The following PLXDC2 variants were observed in gnomAD, a reference collection of about 807,000 sequenced individuals.
PLXDC2 encodes plexin domain-containing protein 2.
PLXDC2 carries 40 observed loss-of-function variants against 68.9 expected under a neutral mutation model. The ratio of observed to expected loss-of-function variants is 0.58; its 90% CI spans 0.45 to 0.76. PLXDC2 has a LOEUF of 0.76. PLXDC2 is among the 30% of genes least tolerant of loss of function. The pLI is 0.00. For synonymous variants in PLXDC2, 243 were observed against 234.2 expected (o/e 1.04, Z -0.34); for missense variants, 644 against 661.9 (o/e 0.97, Z 0.30).
In PLXDC2 at chr10:20,190,780, C is replaced by T. The variant is rs564157838; in HGVS notation, c.1061+13371C>T. Among the ~76,000 whole-genome samples the T allele has an allele frequency of 9.9e-5, 15 of 151,830 alleles. No homozygotes were observed. The Middle Eastern group carries it at 0.01, about 103-fold the overall frequency. ...AATATAGAAAGACATTTAAAATACA[C>T]GTTCATACTCAAGCCAGCTCTTTTA... On this transcript the variant is annotated intron_variant, in intron 9 of 13. Coordinates refer to ENST00000377252, the MANE Select transcript of PLXDC2 (RefSeq NM_032812.9).
chr10:20,181,072 A>G (rs1316362538), intron 9 of PLXDC2, among the ~76,000 whole-genome samples: 1 of 152,076 alleles, frequency 6.6e-6, no homozygotes, highest in Non-Finnish European at 1.5e-5. Flanking sequence ...ATATATAGAA[A>G]GCAGAGTTAA....
chr10:20,024,849 A>G (rs561855771), intron 2 of PLXDC2, among the ~76,000 whole-genome samples: 3 of 152,230 alleles, frequency 2.0e-5, no homozygotes, highest in South Asian at 2.1e-4. Flanking sequence ...ACTAATTCTT[A>G]TAGGATAATG....
At chr10:20,213,801 G>C (rs1326801661) in intron 10 of PLXDC2, among the ~76,000 whole-genome samples, 1 of 152,076 alleles carries the variant, frequency 6.6e-6, no homozygotes, top group African/African-American at 2.4e-5. Context: ...GTGTTTTCCT[G>C]TTGGTTGGGT....
At chr10:20,235,438 A>G in intron 12 of PLXDC2, among the ~76,000 whole-genome samples, 1 of 152,252 alleles carries the variant, frequency 6.6e-6, no homozygotes, top group East Asian at 1.9e-4. Flanking sequence ...AGTGGCACTA[A>G]CAACATTAAT....
intron 4 of PLXDC2, among the ~76,000 whole-genome samples, chr10:20,136,869 C>T (rs1192842336): frequency 6.6e-6 from 1 of 152,198 alleles, no homozygotes; most frequent in Non-Finnish European, 1.5e-5. Context: ...GAATGTTTCA[C>T]AAGCAATTAT....
chr10:19,960,640 C>A (rs1834141591), intron 1 of PLXDC2, among the ~76,000 whole-genome samples: 1 of 152,182 alleles, frequency 6.6e-6, no homozygotes, highest in African/African-American at 2.4e-5. Context: ...TATGACCTTG[C>A]ACTCATACCA....
intron 6 of PLXDC2, among the ~76,000 whole-genome samples, chr10:20,150,894 A>G (rs1346163575): frequency 6.6e-6 from 1 of 152,106 alleles, no homozygotes; most frequent in Non-Finnish European, 1.5e-5. Flanking sequence ...AAAAAGTTCC[A>G]CTATGGTTTT....
chr10:19,858,600 T>C, intron 1 of PLXDC2, among the ~76,000 whole-genome samples: 1 of 152,206 alleles, frequency 6.6e-6, no homozygotes, highest in South Asian at 2.1e-4. Context: ...CTTCTTAACA[T>C]CTAAATGAAA....
At chr10:20,213,993 C>T (rs1041967074) in intron 10 of PLXDC2, among the ~76,000 whole-genome samples, 10 of 151,936 alleles carry the variant, frequency 6.6e-5, no homozygotes, top group East Asian at 1.9e-4. Context: ...ATGTATTTAC[C>T]GGTTTATTAA....
chr10:19,840,463 C>T (rs950465170), intron 1 of PLXDC2, among the ~76,000 whole-genome samples: 60 of 152,200 alleles, frequency 3.9e-4, no homozygotes, highest in African/African-American at 1.4e-3. Context: ...GTGGCAGGCT[C>T]AGCCTTAAAA....
chr10:20,010,424 A>C (rs1459854607), intron 2 of PLXDC2, among the ~76,000 whole-genome samples: 2 of 152,212 alleles, frequency 1.3e-5, no homozygotes, highest in African/African-American at 4.8e-5. Flanking sequence ...ATTATTGCTC[A>C]CCCTCAAAAA....
rs572157115 is a variant in PLXDC2 at position 20,100,831 on chromosome 10, G to A, written c.541+32592G>A. Among the ~76,000 whole-genome samples the A allele has an allele frequency of 3.2e-4, 48 of 151,850 alleles. 1 individual carries two copies. The South Asian group carries it at 8.5e-3, about 27-fold the overall frequency. On this transcript the variant is annotated intron_variant, in intron 4 of 13. Transcript: ENST00000377252. ...TTTGCTGAGTACTCATCTCAATTGA[G>A]ATGAAAATTGCATACTATGTATTAG...
chr10:20,096,203 A>G (rs551789790), intron 4 of PLXDC2, among the ~76,000 whole-genome samples: 1 of 152,310 alleles, frequency 6.6e-6, no homozygotes, highest in East Asian at 1.9e-4. Flanking sequence ...CCTAATTAGT[A>G]TCTTGTGCAT....
chr10:20,058,094 T>C (rs1836031514), intron 3 of PLXDC2, among the ~76,000 whole-genome samples: 1 of 152,172 alleles, frequency 6.6e-6, no homozygotes, highest in South Asian at 2.1e-4. Context: ...AATTTTGAAT[T>C]ATTTAGTCAC....
At chr10:20,269,644 G>A (rs570851657) in intron 13 of PLXDC2, among the ~76,000 whole-genome samples, 8 of 152,246 alleles carry the variant, frequency 5.3e-5, no homozygotes, top group Admixed American at 5.2e-4. Context: ...ATAGATGGAA[G>A]ATATGGTAGG....
At chr10:20,173,356 A>C (rs981969922) in intron 7 of PLXDC2, among the ~76,000 whole-genome samples, 4 of 152,220 alleles carry the variant, frequency 2.6e-5, no homozygotes, top group African/African-American at 9.6e-5. Flanking sequence ...GAGATTTCTC[A>C]TATAGTCTCT....
At chr10:20,146,471 CTTTCTTTTCTTTTCTTT>C (rs1834080695) in intron 5 of PLXDC2, among the ~76,000 whole-genome samples, 1 of 132,718 alleles carries the variant, frequency 7.5e-6, no homozygotes, top group Non-Finnish European at 1.6e-5. Context: ...TCCTTCCTTT[CTTTCTTTTCTTTTCTTT>C]TTCCTTCCTT....
intron 5 of PLXDC2, among the ~76,000 whole-genome samples, chr10:20,144,088 C>G (rs532498628): frequency 6.6e-6 from 1 of 152,104 alleles, no homozygotes; most frequent in Admixed American, 6.5e-5. Context: ...ATTTTCATCT[C>G]AACATCTTAT....
chr10:20,165,466 C>T (rs1834362364), intron 7 of PLXDC2, among the ~76,000 whole-genome samples: 1 of 151,364 alleles, frequency 6.6e-6, no homozygotes, highest in South Asian at 2.1e-4. Flanking sequence ...GTATGATGTT[C>T]CCCTTCCTGT....
Sources: allele counts gnomAD v4.1 joint callset (sites outside exome capture counted in the v4.1 genomes callset), GRCh38; gene constraint gnomAD v4.1.1; transcripts MANE v1.5; gene names NCBI Gene and HGNC (gene_info 2026-07-23, HGNC 2026-07-21).